The following FANCC variants were observed in gnomAD, a reference collection of about 807,000 sequenced individuals.
FANCC encodes the protein FA complementation group C.
A neutral mutation model predicts 71.3 loss-of-function variants in FANCC; 55 were observed. The ratio of observed to expected loss-of-function variants is 0.77; its 90% CI spans 0.62 to 0.97. The LOEUF (loss-of-function observed/expected upper bound fraction) is 0.97, where lower values mean the gene tolerates loss of function less well. FANCC is among the 50% of genes least tolerant of loss of function. The pLI is 0.00. For synonymous variants in FANCC, 275 were observed against 244.9 expected (o/e 1.12, Z -1.15); for missense variants, 678 against 670.9 (o/e 1.01, Z -0.12).
At chr9:95,117,826 C>T (rs1483106149) in intron 10 of FANCC, among the ~76,000 whole-genome samples, 2 of 149,780 alleles carry the variant, frequency 1.3e-5, no homozygotes, top group East Asian at 2.0e-4. Context: ...CGGGTTCAAG[C>T]GATTCTCCTC....
intron 4 of FANCC, among the ~76,000 whole-genome samples, chr9:95,227,148 ACTCT>A (rs915531855): frequency 6.6e-6 from 1 of 151,346 alleles, no homozygotes; most frequent in Admixed American, 6.6e-5. Context: ...CTCTCAACCC[ACTCT>A]CTCTCCTCTC....
intron 4 of FANCC, among the ~76,000 whole-genome samples, chr9:95,182,308 CAGG>C (rs1273926804): frequency 6.6e-6 from 1 of 151,822 alleles, no homozygotes; most frequent in African/African-American, 2.4e-5. Flanking sequence ...ATCACAAGGT[CAGG>C]AGATCGAGAC....
chr9:95,274,123 G>C (rs932157789), intron 1 of FANCC, among the ~76,000 whole-genome samples: 1 of 152,072 alleles, frequency 6.6e-6, no homozygotes, highest in African/African-American at 2.4e-5. Flanking sequence ...TTGCTGCACC[G>C]ATCAACCCGT....
Position 95,244,941 on chromosome 9 carries a change from C to A in FANCC, c.250+2491G>T, listed in dbSNP as rs1035062146. On this transcript the variant is annotated intron_variant, in intron 3 of 14. Transcript: ENST00000289081. ...CTCTAATCCATAATTATCTACCCTG[C>A]AACACTGTCATCAAGAATTAATTAG... Among the ~76,000 whole-genome samples the A allele has an allele frequency of 2.6e-5, 4 of 151,990 alleles. No homozygotes were observed. In the East Asian group the frequency reaches 5.8e-4, roughly 22 times the overall value.
At chr9:95,105,949 C>T (rs2071414069) in intron 14 of FANCC, among the ~76,000 whole-genome samples, 2 of 152,246 alleles carry the variant, frequency 1.3e-5, no homozygotes, top group Non-Finnish European at 2.9e-5. Context: ...CCAGATGGCC[C>T]TCCAGCCCCT....
chr9:95,203,880 G>A (rs1827954460), intron 4 of FANCC, among the ~76,000 whole-genome samples: 1 of 152,226 alleles, frequency 6.6e-6, no homozygotes, highest in African/African-American at 2.4e-5. Flanking sequence ...AATTTATAAA[G>A]AAAATCCAGC....
At chr9:95,294,788 C>T in intron 1 of FANCC, 3 of 1,559,360 alleles carry the variant, frequency 1.9e-6, no homozygotes, top group Non-Finnish European at 2.6e-6. Context: ...TCTGCGGAAC[C>T]ACACACAGTC....
intron 4 of FANCC, among the ~76,000 whole-genome samples, chr9:95,234,034 A>G (rs1361846424): frequency 1.3e-5 from 2 of 152,182 alleles, no homozygotes; most frequent in Non-Finnish European, 2.9e-5. Flanking sequence ...TGATTATGCT[A>G]TCTAACTAAA....
chr9:95,149,813 A>C, intron 7 of FANCC, 110 bp downstream of exon 7: 4 of 1,206,042 alleles, frequency 3.3e-6, no homozygotes, highest in South Asian at 2.6e-5. Flanking sequence ...TATAAAGGGT[A>C]CTGAGACAAA....
intron 3 of FANCC, among the ~76,000 whole-genome samples, chr9:95,247,018 GAA>G (rs1440485477): frequency 6.6e-6 from 1 of 152,178 alleles, no homozygotes; most frequent in African/African-American, 2.4e-5. Context: ...TACAACATGG[GAA>G]AGAGTGTGTG....
Position 95,177,749 on chromosome 9 carries a change from G to A in FANCC, c.346-5602C>T, listed in dbSNP as rs535094359. 6.6e-5 allele frequency among the ~76,000 whole-genome samples: 10 copies of A among 152,130 alleles called. No homozygotes were observed. The East Asian group carries it at 1.9e-3, about 29-fold the overall frequency. On this transcript the variant is annotated intron_variant, in intron 4 of 14. Coordinates refer to ENST00000289081, the MANE Select transcript of FANCC (RefSeq NM_000136.3). ...ACTTGTCCTGGTCACTTCAACCCCT[G>A]GCTCACTGTTGTGCTGGTGTGAATG...
chr9:95,201,774 C>A (rs1199084423), intron 4 of FANCC, among the ~76,000 whole-genome samples: 2 of 152,272 alleles, frequency 1.3e-5, no homozygotes, highest in African/African-American at 2.4e-5. Context: ...GAAACAAACA[C>A]CACACTCTAA....
chr9:95,125,275 CT>C (rs35978415), intron 9 of FANCC, 90 bp from the exon 10 acceptor site: 4 of 1,022,880 alleles, frequency 3.9e-6, no homozygotes, highest in Non-Finnish European at 4.6e-6. Flanking sequence ...AGTAGAAACA[CT>C]TTTTTTGTGC....
chr9:95,118,513 C>T (rs764722216), intron 10 of FANCC, among the ~76,000 whole-genome samples: 3 of 152,222 alleles, frequency 2.0e-5, no homozygotes, highest in African/African-American at 7.2e-5. Context: ...GTGACCACCA[C>T]CCCAGTGAAG....
intron 1 of FANCC, among the ~76,000 whole-genome samples, chr9:95,282,019 T>A (rs953721345): frequency 1.3e-5 from 2 of 149,368 alleles, no homozygotes; most frequent in Admixed American, 6.7e-5. Flanking sequence ...TAGAAAAAAA[T>A]TAATAAAATG....
At chr9:95,149,119 A>C (rs1829943846) in intron 7 of FANCC, among the ~76,000 whole-genome samples, 1 of 152,216 alleles carries the variant, frequency 6.6e-6, no homozygotes, top group Admixed American at 6.5e-5. Context: ...CATAAAAATA[A>C]GCTATTTGTG....
intron 7 of FANCC, among the ~76,000 whole-genome samples, chr9:95,138,598 T>C (rs993811541): frequency 5.9e-5 from 9 of 152,180 alleles, no homozygotes; most frequent in African/African-American, 2.2e-4. Context: ...TCAGGATCCA[T>C]GTAACACGAA....
intron 1 of FANCC, among the ~76,000 whole-genome samples, chr9:95,282,422 C>A (rs537296360): frequency 7.5e-4 from 114 of 151,996 alleles, no homozygotes; most frequent in African/African-American, 2.6e-3. Flanking sequence ...GTCAGAGCAC[C>A]TAAATACATA....
intron 13 of FANCC, among the ~76,000 whole-genome samples, chr9:95,108,369 A>G (rs1333750098): frequency 3.3e-5 from 5 of 152,242 alleles, no homozygotes; most frequent in African/African-American, 1.2e-4. Context: ...CGGGAGCCCA[A>G]GGCCATTCTG....
Sources: allele counts gnomAD v4.1 joint callset (sites outside exome capture counted in the v4.1 genomes callset), GRCh38; gene constraint gnomAD v4.1.1; transcripts MANE v1.5; gene names NCBI Gene and HGNC (gene_info 2026-07-23, HGNC 2026-07-21).